Variants in USP31 observed in about 807,000 individuals in gnomAD.
USP31 encodes the protein ubiquitin specific peptidase 31, also known as ubiquitin carboxyl-terminal hydrolase 31.
A neutral mutation model predicts 119.4 loss-of-function variants in USP31; 44 were observed. The observed-to-expected ratio is 0.37, with a 90% confidence interval of 0.29 to 0.47. The LOEUF (loss-of-function observed/expected upper bound fraction) is 0.47, where lower values mean the gene tolerates loss of function less well. USP31 is among the 20% of genes least tolerant of loss of function. The pLI, the probability that USP31 is intolerant of heterozygous loss-of-function variation, is 0.99. For missense variants in USP31, 1,643 were observed against 1,730.2 expected (o/e 0.95, Z 0.89); for synonymous variants, 749 against 705.6 (o/e 1.06, Z -0.97).
chr16:23,093,404 T>C (rs1372683173), intron 6 of USP31, among the ~76,000 whole-genome samples: 6 of 152,148 alleles, frequency 3.9e-5, no homozygotes, highest in African/African-American at 1.2e-4. Flanking sequence ...AGAGAATATA[T>C]AAATGGCCAA....
At chr16:23,127,985 G>T (rs1248645877) in intron 1 of USP31, among the ~76,000 whole-genome samples, 1 of 152,126 alleles carries the variant, frequency 6.6e-6, no homozygotes, top group Admixed American at 6.5e-5. Flanking sequence ...AGACTTAGGA[G>T]CATACTGTGG....
At chr16:23,147,221 G>A (rs776337330) in intron 1 of USP31, among the ~76,000 whole-genome samples, 1 of 152,118 alleles carries the variant, frequency 6.6e-6, no homozygotes, top group Non-Finnish European at 1.5e-5. Flanking sequence ...CAATTCTCCT[G>A]CCTCAGCCTC....
intron 1 of USP31, among the ~76,000 whole-genome samples, chr16:23,130,269 A>G (rs1330727609): frequency 1.3e-5 from 2 of 152,188 alleles, no homozygotes. Flanking sequence ...AAACTTTAAT[A>G]AGATTCATCT....
At chr16:23,072,017 G>A (rs201468964) in intron 15 of USP31, 28 bp downstream of exon 15, 84 of 1,595,100 alleles carry the variant, frequency 5.3e-5, no homozygotes, top group Admixed American at 1.0e-4. Context: ...TACCATTCTG[G>A]AAATTTGTCA....
rs533142411 is a variant in USP31 at position 23,113,982 on chromosome 16, G to A, written c.634-5799C>T. Among the ~76,000 whole-genome samples, 54 of 152,226 alleles carry A rather than the reference G, an allele frequency of 3.5e-4. 1 individual carries two copies. The highest frequency in any genetic ancestry group is 1.3e-3 in the African/African-American group (53 of 41,532). On this transcript the variant is annotated intron_variant, in intron 1 of 15. Transcript: ENST00000219689. ...TAGCTAGGCATGGTGGTAGGCGCCT[G>A]TAATCCCAGCTATTTAGGCGACTGA... is the stretch of plus-strand genomic sequence containing the variant.
chr16:23,114,891 G>T (rs1902442773), intron 1 of USP31, among the ~76,000 whole-genome samples: 1 of 152,108 alleles, frequency 6.6e-6, no homozygotes, highest in Non-Finnish European at 1.5e-5. Flanking sequence ...CCTCACAATG[G>T]TAACTTATTC....
intron 1 of USP31, among the ~76,000 whole-genome samples, chr16:23,127,641 AG>A (rs1312238230): frequency 1.5e-5 from 2 of 132,494 alleles, no homozygotes; most frequent in Admixed American, 8.0e-5. Context: ...TAATTTTTGT[AG>A]TTTTTTTTTT....
intron 1 of USP31, among the ~76,000 whole-genome samples, chr16:23,140,757 C>G (rs1316724202): frequency 2.0e-5 from 3 of 152,208 alleles, no homozygotes; most frequent in Non-Finnish European, 4.4e-5. Flanking sequence ...TTCCTGACTC[C>G]CCCAAAACTC....
In USP31 at chr16:23,128,012, A is replaced by G. The variant is rs559863973; in HGVS notation, c.634-19829T>C. 2.6e-5 allele frequency among the ~76,000 whole-genome samples: 4 copies of G among 152,294 alleles called. No homozygotes were observed. The South Asian group carries it at 8.3e-4, about 32-fold the overall frequency. ...ATACTGTGGGATAAGGCAAATGAGA[A>G]TTTACGCTGGTGTTACAAGTAGGAT... On this transcript the variant is annotated intron_variant, in intron 1 of 15. Transcript: ENST00000219689.
chr16:23,071,350 C>A (rs564038820), intron 15 of USP31, among the ~76,000 whole-genome samples: 2 of 140,010 alleles, frequency 1.4e-5, no homozygotes, highest in East Asian at 4.0e-4. Context: ...ATTATAGAAG[C>A]TGCACTCACT....
rs778900950 is a variant in USP31, at chr16:23,073,839, C to T, written c.2218G>A (p.Asp740Asn). The T allele has an allele frequency of 2.9e-5, 47 of 1,613,972 alleles. No homozygotes were observed. The highest frequency in any genetic ancestry group is 8.9e-5 in the East Asian group (4 of 44,886). Residue 740 changes from aspartate (D) to asparagine (N), a missense_variant, in exon 14 of 16, where the codon GAT becomes AAT. Around this residue, in one of 5 missense-constraint regions of USP31, gnomAD observed 279 missense variants for 372.2 expected, o/e 0.75. Coordinates refer to ENST00000219689, the MANE Select transcript of USP31 (RefSeq NM_020718.4). Reference protein sequence around the residue: ...NSVDGLWYCFDDSDVQQLSED... With the variant: ...NSVDGLWYCFNDSDVQQLSED... ...GACAGCTGCTGCACATCGCTGTCAT[C>T]GAAGCAGTACCAGAGGCCGTCCACA...
intron 3 of USP31, 28 bp downstream of exon 3, chr16:23,106,369 AAT>A: frequency 2.5e-6 from 4 of 1,613,656 alleles, no homozygotes; most frequent in Non-Finnish European, 2.5e-6. Context: ...AGGTAAACAA[AAT>A]AAGTGGAAAC....
At position 23,082,547 on chromosome 16, in the gene USP31, T is replaced by C; in HGVS notation, c.1841A>G (p.Asp614Gly). 1 of 1,614,140 alleles carries C rather than the reference T, an allele frequency of 6.2e-7. No individual in the cohort carries two copies. The highest frequency in any genetic ancestry group is 8.5e-7 in the Non-Finnish European group (1 of 1,180,024). ...LYTKEERLAP[D>G]DAWRCPHCKQ... ...ACAGTGTGGGCAACGCCAGGCATCA[T>C]CGGGGGCAAGCTGAAAACAGAAGCA... The change falls in exon 12 of 16, where the codon GAT becomes GGT. Residue 614 changes from aspartate (D) to glycine (G), a missense_variant. By Grantham distance (94) the Asp-to-Gly change is moderately conservative. Coordinates refer to ENST00000219689, the MANE Select transcript of USP31 (RefSeq NM_020718.4).
rs768372331 is a variant in USP31 at position 23,106,517 on chromosome 16, G to T, written c.772-30C>A. The T allele has an allele frequency of 4.7e-5, 73 of 1,565,016 alleles. 1 individual carries two copies. The stretch of plus-strand genomic sequence containing the variant: ...AAAAAAAAGAAAGTACAACTTCACA[G>T]ACTAGAAAGACCAATTCTTGGTTGA... On this transcript the variant is annotated intron_variant, in intron 2 of 15. Coordinates refer to ENST00000219689, the MANE Select transcript of USP31 (RefSeq NM_020718.4).
At chr16:23,110,562 AG>A (rs908810801) in intron 1 of USP31, among the ~76,000 whole-genome samples, 1 of 152,210 alleles carries the variant, frequency 6.6e-6, no homozygotes, top group African/African-American at 2.4e-5. Flanking sequence ...AGGCCAGCTC[AG>A]GAAAGATTTT....
chr16:23,149,142 C>T lies in USP31; in HGVS notation c.129G>A (p.Ala43=), dbSNP rs1567252731. ...AGGGGAGGPG[A]SGPAAPSSPS... is the part of the protein sequence containing the mutation. ...GCGAGGAAGGCGCGGCCGGCCCGGA[C>T]GCCCCGGGGCCCCCCGCGCCGCCGC... Residue 43 remains alanine (A), a synonymous_variant, in exon 1 of 16, where the codon GCG becomes GCA. Coordinates refer to ENST00000219689, the MANE Select transcript of USP31 (RefSeq NM_020718.4). 1.7e-6 allele frequency: 2 copies of T among 1,200,838 alleles called. No homozygotes were observed. The highest frequency in any genetic ancestry group is 1.0e-6 in the Non-Finnish European group (1 of 957,932). 74.4% of individuals were successfully genotyped at this position (1,200,838 alleles called of 1,614,324 possible).
chr16:23,078,157 C>CA (rs1197458597), intron 13 of USP31, among the ~76,000 whole-genome samples: 4 of 151,544 alleles, frequency 2.6e-5, no homozygotes, highest in Non-Finnish European at 5.9e-5. Context: ...ATTAAAAATA[C>CA]AAAAATTAGC....
chr16:23,077,901 A>G (rs1160794931), intron 13 of USP31, among the ~76,000 whole-genome samples: 1 of 152,252 alleles, frequency 6.6e-6, no homozygotes, highest in Non-Finnish European at 1.5e-5. Context: ...GAAAGAGCAT[A>G]AAGATATTCA....
intron 12 of USP31, among the ~76,000 whole-genome samples, chr16:23,080,853 A>G (rs1328144211): frequency 6.6e-6 from 1 of 152,170 alleles, no homozygotes; most frequent in African/African-American, 2.4e-5. Context: ...TGTTCATGAG[A>G]GAAAGGGATG....
Sources: gnomAD v4.1 joint callset for allele counts (sites outside exome capture counted in the v4.1 genomes callset) on GRCh38, gnomAD v4.1.1 for gene constraint, gnomAD v4.1.1 regional missense constraint, MANE v1.5 for transcripts, NCBI Gene and HGNC (gene_info 2026-07-23, HGNC 2026-07-21) for gene names.